The following MYH7B variants were observed in gnomAD, a reference collection of about 807,000 sequenced individuals.
MYH7B encodes myosin heavy chain 7B, also known as myosin-7B.
Under a neutral mutation model 234.5 loss-of-function variants are expected in MYH7B, and 205 were observed. The observed-to-expected ratio is 0.87, with a 90% CI of 0.78 to 0.98. The LOEUF is 0.98. MYH7B is among the 50% of genes least tolerant of loss of function. The pLI is 0.00. For missense variants in MYH7B, 2,652 were observed against 2,633.4 expected (o/e 1.01, Z -0.15); for synonymous variants, 1,193 against 1,105.0 (o/e 1.08, Z -1.58).
exon 32 of MYH7B, chr20:34,997,347 G>A (rs748756488): frequency 6.5e-7 from 1 of 1,539,412 alleles, no homozygotes; most frequent in Non-Finnish European, 8.7e-7. Context: ...GGAGCTGGAG[G>A]AGCTGAGCGA....
At chr20:34,980,643 C>G (rs375788764) in exon 8 of MYH7B, 1 of 1,614,084 alleles carries the variant, frequency 6.2e-7, no homozygotes, top group Non-Finnish European at 8.5e-7. Context: ...ATACGGCCTC[C>G]GTAGTGGCTG....
chr20:34,983,891 TC>T (rs562572640), intron 10 of MYH7B, among the ~76,000 whole-genome samples: 1,973 of 152,318 alleles, frequency 0.013, 42 homozygotes, highest in African/African-American at 0.044. Context: ...CTCCCTTTCT[TC>T]CTTGGCTCCC....
intron 2 of MYH7B, among the ~76,000 whole-genome samples, chr20:34,965,546 G>A (rs1341515599): frequency 6.6e-6 from 1 of 152,228 alleles, no homozygotes; most frequent in Non-Finnish European, 1.5e-5. Flanking sequence ...AATGGGATCT[G>A]TCTGCTCCTG....
At chr20:34,992,719 G>A (rs554656212) in intron 24 of MYH7B, among the ~76,000 whole-genome samples, 16 of 151,972 alleles carry the variant, frequency 1.1e-4, no homozygotes, top group East Asian at 7.8e-4. Flanking sequence ...ACAGGCGCCC[G>A]CCACCATGCC....
Position 34,993,490 on chromosome 20 carries a change from TG to T in MYH7B, c.2444+24del, listed in dbSNP as rs1420282256. 3 of 1,567,564 alleles carry T rather than the reference TG, an allele frequency of 1.9e-6. No homozygotes were observed. Among genetic ancestry groups the T allele is most frequent in the Non-Finnish European group, 2.6e-6 (3 of 1,162,740 alleles). ...AGGCAGGTGGGTGTGGGAAGGAGGC[TG>T]GGGACAGGGTGTGTCCCCTGCCTCT... On this transcript the variant is annotated intron_variant, in intron 26 of 44. Coordinates refer to ENST00000262873, the Ensembl canonical transcript of MYH7B.
At position 34,990,789 on chromosome 20, in the gene MYH7B, G is replaced by A. The variant is rs373222220; in HGVS notation, c.2029G>A (p.Val677Ile). ...CCTGCGGGCCACACAGCCCCACTTC[G>A]TCCGCTGCATTGTCCCCAACGAGAA... Residue 677 changes from valine (V) to isoleucine (I), a missense_variant, in exon 23 of 45, where the codon GTC becomes ATC. Val to Ile is a conservative substitution (Grantham distance 29). This residue lies in a region of MYH7B where 2,279 missense variants were observed against 2,211.4 expected (regional missense o/e 1.03). Transcript: ENST00000262873. The A allele has an allele frequency of 5.6e-6, 9 of 1,614,100 alleles. No homozygotes were observed. Among genetic ancestry groups the A allele is most frequent in the East Asian group, 2.2e-5 (1 of 44,868 alleles).
chr20:35,001,826 C>G, intron 43 of MYH7B, 122 bp from the exon 44 acceptor site: 1 of 1,426,072 alleles, frequency 7.0e-7, no homozygotes, highest in Non-Finnish European at 9.5e-7. Flanking sequence ...TGAGGATGGA[C>G]AGTGGCAATA....
chr20:34,979,751 G>A (rs1275356540), exon 7 of MYH7B: 6 of 1,614,058 alleles, frequency 3.7e-6, no homozygotes, highest in African/African-American at 2.7e-5. Context: ...GCACCTGAAC[G>A]AGGCCTCTGT....
exon 37 of MYH7B, chr20:34,999,665 T>G (rs755539622): frequency 2.5e-6 from 4 of 1,611,328 alleles, no homozygotes; most frequent in Non-Finnish European, 3.4e-6. Flanking sequence ...GCGAGAAGAG[T>G]GAGATCCAGG....
Position 34,987,222 on chromosome 20 carries a change from A to G in MYH7B, c.1082A>G (p.His361Arg), listed in dbSNP as rs754072923. The change falls in exon 16 of 45, where the codon CAC becomes CGC. Residue 361 changes from histidine to arginine, a missense_variant. His to Arg is a conservative substitution (Grantham distance 29). Around this residue, in one of 3 missense-constraint regions of MYH7B, gnomAD observed 2,279 missense variants for 2,211.4 expected, o/e 1.03. Transcript: ENST00000262873. ...TATAAGATCGTGGGCGCCCTCCTGC[A>G]CTTTGGCAACATGAAGTTCAAGCAG... The G allele has an allele frequency of 3.2e-5, 51 of 1,612,242 alleles. No homozygotes were observed. The highest frequency in any genetic ancestry group is 4.1e-5 in the Non-Finnish European group (48 of 1,180,000).
rs563508736 is a variant in MYH7B, at chr20:34,962,896, G to A, written c.-222+4684G>A. 2.6e-5 allele frequency among the ~76,000 whole-genome samples: 4 copies of A among 152,308 alleles called. No individual in the cohort carries two copies. The South Asian group carries it at 6.2e-4, about 24-fold the overall frequency. Reference sequence around the variant, plus strand: ...GCAGATCACCTGAGGTCAGGAGTTCGAGACCAGCCTGGCCAACATGGCGAA... The same window carrying A: ...GCAGATCACCTGAGGTCAGGAGTTCAAGACCAGCCTGGCCAACATGGCGAA... On this transcript the variant is annotated intron_variant, in intron 2 of 44. Coordinates refer to ENST00000262873, the Ensembl canonical transcript of MYH7B.
exon 8 of MYH7B, chr20:34,980,612 C>G: frequency 6.2e-7 from 1 of 1,614,162 alleles, no homozygotes; most frequent in Non-Finnish European, 8.5e-7. Flanking sequence ...ACCATCAACC[C>G]CTACAAATGG....
chr20:34,996,256 G>A, intron 28 of MYH7B, 90 bp from the exon 29 acceptor site: 12 of 1,435,434 alleles, frequency 8.4e-6, no homozygotes, highest in Non-Finnish European at 1.1e-5. Context: ...CCCATAGCTG[G>A]AAGGGGCACT....
At chr20:34,996,198 C>T (rs908336457) in intron 28 of MYH7B, 148 bp from the exon 29 acceptor site, 3 of 914,816 alleles carry the variant, frequency 3.3e-6, no homozygotes, top group Non-Finnish European at 1.6e-6. Context: ...AGGGTCCTTC[C>T]CTCAGGCAGA....
chr20:34,996,716 A>G, exon 30 of MYH7B: 1 of 1,613,512 alleles, frequency 6.2e-7, no homozygotes, highest in Non-Finnish European at 8.5e-7. Flanking sequence ...TCGGTGGCTG[A>G]TGCTGCTCAA....
chr20:34,993,606 C>G (rs2082198641), intron 26 of MYH7B, 136 bp downstream of exon 26: 5 of 1,016,566 alleles, frequency 4.9e-6, no homozygotes, highest in African/African-American at 1.6e-5. Context: ...AGGTTCTGTT[C>G]TGTGTCCCCC....
chr20:35,001,149 G>GGAGGCC (rs772246114), exon 41 of MYH7B: 1 of 1,613,734 alleles, frequency 6.2e-7, no homozygotes, highest in East Asian at 2.2e-5. Context: ...TGCAGAAGCT[G>GGAGGCC]GAGGCCAAGG....
At chr20:34,980,690 A>G (rs1332151229) in exon 8 of MYH7B, 1 of 1,614,108 alleles carries the variant, frequency 6.2e-7, no homozygotes, top group Non-Finnish European at 8.5e-7. Context: ...TCCCCGCCCC[A>G]TATATATGCG....
intron 2 of MYH7B, among the ~76,000 whole-genome samples, chr20:34,971,608 C>A (rs927031648): frequency 6.6e-6 from 1 of 152,144 alleles, no homozygotes; most frequent in Non-Finnish European, 1.5e-5. Flanking sequence ...GTGCCAGGGT[C>A]GTGGGCCCCT....
Sources: gnomAD v4.1 joint callset for allele counts (sites outside exome capture counted in the v4.1 genomes callset) on GRCh38, gnomAD v4.1.1 for gene constraint, gnomAD v4.1.1 regional missense constraint, MANE v1.5 for transcripts, NCBI Gene and HGNC (gene_info 2026-07-23, HGNC 2026-07-21) for gene names.